The following KIF13B variants were observed in gnomAD, a reference collection of about 807,000 sequenced individuals.
KIF13B encodes the protein kinesin family member 13B.
KIF13B carries 127 observed loss-of-function variants against 222.0 expected under a neutral mutation model. That is an observed-to-expected ratio of 0.57 (90% CI 0.50 to 0.66). The LOEUF (loss-of-function observed/expected upper bound fraction) is 0.66, where lower values mean the gene tolerates loss of function less well. KIF13B is among the 30% of genes least tolerant of loss of function. The probability of loss-of-function intolerance (pLI) is 0.00; values close to 1 mark genes in which losing one functional copy is unlikely to be tolerated. For missense variants in KIF13B, 2,173 were observed against 2,379.0 expected, an observed-to-expected ratio of 0.91 and a Z score of 1.80; for synonymous variants, 976 against 919.0, an observed-to-expected ratio of 1.06 and a Z score of -1.12.
At chr8:29,116,713 A>T (rs1382927321) in intron 31 of KIF13B, 118 bp downstream of exon 31, 21 of 897,058 alleles carry the variant, frequency 2.3e-5, no homozygotes, top group Non-Finnish European at 3.4e-5. Flanking sequence ...TCACCTGGAA[A>T]AGAAAAGCTC....
At chr8:29,114,065 C>T (rs1809482544) in intron 31 of KIF13B, among the ~76,000 whole-genome samples, 1 of 152,164 alleles carries the variant, frequency 6.6e-6, no homozygotes, top group Non-Finnish European at 1.5e-5. Flanking sequence ...GCTGACTGCG[C>T]TCTTTGCACA....
chr8:29,251,543 A>G (rs1227322802), intron 1 of KIF13B, among the ~76,000 whole-genome samples: 1 of 152,188 alleles, frequency 6.6e-6, no homozygotes. Context: ...TTCCATTTAT[A>G]TGAGGTACCT....
intron 12 of KIF13B, 49 bp from the exon 13 acceptor site, chr8:29,160,916 G>C (rs746828687): frequency 6.5e-7 from 1 of 1,539,138 alleles, no homozygotes; most frequent in East Asian, 2.3e-5. Context: ...TTGAGGCAGT[G>C]AGATATCCAA....
At chr8:29,228,466 T>TA (rs71551621) in intron 2 of KIF13B, among the ~76,000 whole-genome samples, 2 of 68,270 alleles carry the variant, frequency 2.9e-5, no homozygotes, top group East Asian at 2.5e-4. Flanking sequence ...GACTCCATCT[T>TA]AAAAAAATAT....
chr8:29,161,499 G>A (rs1480860928), intron 12 of KIF13B, among the ~76,000 whole-genome samples: 4 of 152,140 alleles, frequency 2.6e-5, no homozygotes, highest in South Asian at 2.1e-4. Flanking sequence ...GAGGTCAGGC[G>A]TTCAAGACCA....
intron 2 of KIF13B, among the ~76,000 whole-genome samples, chr8:29,196,857 A>G (rs1813443921): frequency 6.6e-6 from 1 of 152,128 alleles, no homozygotes; most frequent in Non-Finnish European, 1.5e-5. Context: ...ATTTTGTTTG[A>G]GTGTTACGTG....
rs749205864 is a variant in KIF13B, at chr8:29,109,420, T to C, written c.4161+14A>G. On this transcript the variant is annotated intron_variant, in intron 34 of 39. Coordinates refer to ENST00000524189, the MANE Select transcript of KIF13B (RefSeq NM_015254.4). ...GTCCCAGGCACAGCACAGAGCTTGG[T>C]TCCACACACTCACTCTGTTCACATT... The C allele has an allele frequency of 1.2e-6, 2 of 1,603,402 alleles. No individual in the cohort carries two copies. Among genetic ancestry groups the C allele is most frequent in the East Asian group, 4.5e-5 (2 of 44,836 alleles).
At chr8:29,174,197 G>C (rs576364786) in intron 10 of KIF13B, among the ~76,000 whole-genome samples, 1 of 152,004 alleles carries the variant, frequency 6.6e-6, no homozygotes, top group Non-Finnish European at 1.5e-5. Context: ...CTGCCCATTT[G>C]ATCTCTAGAC....
chr8:29,190,456 G>A (rs1813127631), intron 4 of KIF13B: 1 of 153,454 alleles, frequency 6.5e-6, no homozygotes, highest in South Asian at 2.1e-4. Context: ...CCACCTCCAT[G>A]AGGACAGAAG....
chr8:29,111,688 A>G (rs1445865669), intron 32 of KIF13B, among the ~76,000 whole-genome samples: 1 of 152,192 alleles, frequency 6.6e-6, no homozygotes, highest in Non-Finnish European at 1.5e-5. Flanking sequence ...AGTGGGAGAG[A>G]AGGAAAAGGG....
At chr8:29,116,798 TG>T in intron 31 of KIF13B, 32 bp downstream of exon 31, 1 of 1,569,656 alleles carries the variant, frequency 6.4e-7, no homozygotes, top group Non-Finnish European at 8.7e-7. Flanking sequence ...GTCGCAACTG[TG>T]GTTAGAGTCG....
In KIF13B at chr8:29,160,747, C is replaced by G. The variant is rs1346797390; in HGVS notation, c.1390G>C (p.Val464Leu). The G allele has an allele frequency of 1.2e-6, 2 of 1,613,346 alleles. No individual in the cohort carries two copies. Among genetic ancestry groups the G allele is most frequent in the East Asian group, 2.2e-5 (1 of 44,812 alleles). Residue 464 changes from valine to leucine, a missense_variant, in exon 13 of 40, where the codon GTG becomes CTG. Val to Leu is a conservative substitution (Grantham distance 32). Around this residue, in one of 2 missense-constraint regions of KIF13B, gnomAD observed 1,480 missense variants for 1,722.8 expected, o/e 0.86. Coordinates refer to ENST00000524189, the MANE Select transcript of KIF13B (RefSeq NM_015254.4). The part of the protein sequence containing the change: ...NADPALNELL[V>L]YYLKEHTLIG... Reference sequence around the variant, plus strand: ...CATTACTTCACCTTTAAATAGTACACCAGAAGCTCATTCAGAGCTGGGTCA... The same window carrying G: ...CATTACTTCACCTTTAAATAGTACAGCAGAAGCTCATTCAGAGCTGGGTCA...
intron 9 of KIF13B, among the ~76,000 whole-genome samples, chr8:29,176,658 GA>G (rs1170403918): frequency 6.6e-6 from 1 of 152,166 alleles, no homozygotes; most frequent in Non-Finnish European, 1.5e-5. Context: ...GCTTGAGGGA[GA>G]AAATGTGAAG....
In KIF13B at chr8:29,210,943, G is replaced by A. The variant is rs542191897; in HGVS notation, c.150-14744C>T. Among the ~76,000 whole-genome samples the A allele has an allele frequency of 4.6e-5, 7 of 152,276 alleles. No homozygotes were observed. The South Asian group carries it at 1.5e-3, about 32-fold the overall frequency. ...GACCACCTGGCCAGGGCCTGCAGTTGTATGGTTTGTGTCCTTCATGGAGGC... is the reference window on the plus strand; with the variant it reads ...GACCACCTGGCCAGGGCCTGCAGTTATATGGTTTGTGTCCTTCATGGAGGC... On this transcript the variant is annotated intron_variant, in intron 2 of 39. Coordinates refer to ENST00000524189, the MANE Select transcript of KIF13B (RefSeq NM_015254.4).
intron 3 of KIF13B, among the ~76,000 whole-genome samples, chr8:29,195,008 G>A (rs1302126902): frequency 6.6e-6 from 1 of 152,152 alleles, no homozygotes; most frequent in Non-Finnish European, 1.5e-5. Flanking sequence ...AGCACTTTGG[G>A]AGGCCGAGGT....
intron 18 of KIF13B, among the ~76,000 whole-genome samples, chr8:29,143,799 C>T (rs371471139): frequency 2.0e-3 from 300 of 151,868 alleles, no homozygotes; most frequent in African/African-American, 5.7e-3. Flanking sequence ...GCCGAGATCG[C>T]GCCACTGCAC....
chr8:29,246,761 C>T (rs902090463), intron 1 of KIF13B, among the ~76,000 whole-genome samples: 38 of 152,268 alleles, frequency 2.5e-4, no homozygotes, highest in African/African-American at 8.2e-4. Context: ...ATATATAAAT[C>T]GATGGAATAG....
intron 2 of KIF13B, among the ~76,000 whole-genome samples, chr8:29,218,529 G>A (rs1481547344): frequency 6.6e-6 from 1 of 152,170 alleles, no homozygotes; most frequent in African/African-American, 2.4e-5. Flanking sequence ...CCAGGCAACA[G>A]CTCTATAACA....
At chr8:29,249,298 C>A (rs898740963) in intron 1 of KIF13B, among the ~76,000 whole-genome samples, 3 of 151,976 alleles carry the variant, frequency 2.0e-5, no homozygotes, top group Non-Finnish European at 4.4e-5. Flanking sequence ...GGCGTGGTGG[C>A]ATGTGCCTGT....
Sources: allele counts gnomAD v4.1 joint callset (sites outside exome capture counted in the v4.1 genomes callset), GRCh38; gene constraint gnomAD v4.1.1; regional missense constraint gnomAD v4.1.1; transcripts MANE v1.5; gene names NCBI Gene and HGNC (gene_info 2026-07-23, HGNC 2026-07-21).